Variants in CRHR2 observed in about 807,000 individuals in gnomAD.
The protein encoded by CRHR2 is corticotropin releasing hormone receptor 2.
In CRHR2, 53 loss-of-function variants were observed where a neutral mutation model predicts 57.9. The ratio of observed to expected loss-of-function variants is 0.92; its 90% CI spans 0.73 to 1.15. CRHR2 has a LOEUF of 1.15. Among genes scored for constraint, CRHR2 ranks in the 50% most tolerant of loss-of-function variants. The pLI, the probability that CRHR2 is intolerant of heterozygous loss-of-function variation, is 0.00. For missense variants in CRHR2, 532 were observed against 542.6 expected (o/e 0.98, Z 0.19); for synonymous variants, 213 against 220.9 (o/e 0.96, Z 0.32).
At chr7:30,683,054 C>T (rs541596762), upstream of CRHR2, among the ~76,000 whole-genome samples, 8 of 152,142 alleles carry the variant, frequency 5.3e-5, no homozygotes, top group South Asian at 4.1e-4. Context: ...AGAGAGATTT[C>T]GGAGGGGCAG....
chr7:30,673,783 A>G (rs1031373451), intron 2 of CRHR2, among the ~76,000 whole-genome samples: 2 of 152,170 alleles, frequency 1.3e-5, no homozygotes, highest in African/African-American at 4.8e-5. Context: ...TTTGAGGCCC[A>G]CCTGGCATAT....
chr7:30,693,085 T>G (rs150943388), intron 1 of CRHR2, among the ~76,000 whole-genome samples: 280 of 152,260 alleles, frequency 1.8e-3, no homozygotes, highest in African/African-American at 6.4e-3. Flanking sequence ...GGCAGACACC[T>G]GGGTCACGGG....
upstream of CRHR2, among the ~76,000 whole-genome samples, chr7:30,687,049 T>A (rs1784869673): frequency 6.6e-6 from 1 of 152,204 alleles, no homozygotes; most frequent in Admixed American, 6.5e-5. Context: ...AACATTCCCT[T>A]GACTATTGCA....
chr7:30,693,617 CA>C (rs1432959840), intron 1 of CRHR2, among the ~76,000 whole-genome samples: 1 of 152,192 alleles, frequency 6.6e-6, no homozygotes, highest in African/African-American at 2.4e-5. Context: ...CTATTGAACC[CA>C]AAGAGAGGGT....
At chr7:30,696,361 G>A (rs1444807538) in intron 1 of CRHR2, among the ~76,000 whole-genome samples, 1 of 152,138 alleles carries the variant, frequency 6.6e-6, no homozygotes, top group East Asian at 1.9e-4. Context: ...CACATTGCAT[G>A]CCTGTATCAA....
At chr7:30,663,854 G>T (rs553521366) in intron 5 of CRHR2, among the ~76,000 whole-genome samples, 1 of 152,232 alleles carries the variant, frequency 6.6e-6, no homozygotes, top group Non-Finnish European at 1.5e-5. Flanking sequence ...GGAGCTGTGC[G>T]TCAGGGGCTC....
chr7:30,659,509 C>CA (rs1483247159), intron 8 of CRHR2, among the ~76,000 whole-genome samples: 6 of 152,164 alleles, frequency 3.9e-5, no homozygotes, highest in Non-Finnish European at 7.3e-5. Context: ...GTGAGTGACT[C>CA]ACTGCAGCTG....
At chr7:30,686,629 T>TA (rs1393586358), upstream of CRHR2, 1 of 959,196 alleles carries the variant, frequency 1.0e-6, no homozygotes, top group Admixed American at 2.1e-5. Flanking sequence ...CAAAAAATAA[T>TA]AAAAAATAAA....
chr7:30,694,694 C>T (rs544457272), intron 1 of CRHR2, among the ~76,000 whole-genome samples: 2 of 152,118 alleles, frequency 1.3e-5, no homozygotes, highest in Admixed American at 6.5e-5. Flanking sequence ...CCCATGTTTG[C>T]TTTCATTCAG....
intron 1 of CRHR2, among the ~76,000 whole-genome samples, chr7:30,697,728 C>T (rs79613404): frequency 0.018 from 2,736 of 152,316 alleles, 75 homozygotes; most frequent in African/African-American, 0.062. Flanking sequence ...CAGTCTCCCA[C>T]ATAATGTCTT....
At chr7:30,683,136 A>G (rs1460733235), upstream of CRHR2, among the ~76,000 whole-genome samples, 1 of 152,208 alleles carries the variant, frequency 6.6e-6, no homozygotes, top group Non-Finnish European at 1.5e-5. Context: ...GGATAACATC[A>G]GGTCTCCTGC....
chr7:30,656,267 G>A lies in CRHR2; in HGVS notation c.832-255C>T, dbSNP rs568720145. 1.3e-5 allele frequency among the ~76,000 whole-genome samples: 2 copies of A among 152,126 alleles called. No individual in the cohort carries two copies. The highest frequency in any genetic ancestry group is 2.9e-5 in the Non-Finnish European group (2 of 68,012). ...AGGAGGAAAGGTGGCAGCCTCTGTG[G>A]GTCGTGACCGAGAGCACGGGGCATG... On this transcript the variant is annotated intron_variant, in intron 8 of 11. Transcript: ENST00000471646. The surrounding 1 kb of genome is among the most constrained non-coding windows in gnomAD (Gnocchi z 4.4).
chr7:30,671,625 C>A lies in CRHR2; in HGVS notation c.230-4312G>T, dbSNP rs550487273. Among the ~76,000 whole-genome samples the A allele has an allele frequency of 2.6e-5, 3 of 114,894 alleles. No homozygotes were observed. In the East Asian group the frequency reaches 6.9e-4, roughly 26 times the overall value. 75.4% of individuals were successfully genotyped at this position (114,894 alleles called of 152,430 possible). On this transcript the variant is annotated intron_variant, in intron 2 of 11. Coordinates refer to ENST00000471646, the MANE Select transcript of CRHR2 (RefSeq NM_001883.5). ...AACTAGCCTGAGCAACATGATGAAA[C>A]CCCATCTCTCAAAAAAAAAAAAAAA...
At position 30,665,245 on chromosome 7, in the gene CRHR2, C is replaced by A; in HGVS notation, c.426-58G>T. 1 of 1,429,594 alleles carries A rather than the reference C, an allele frequency of 7.0e-7. No homozygotes were observed. Among genetic ancestry groups the A allele is most frequent in the South Asian group, 1.2e-5 (1 of 86,244 alleles). 88.6% of individuals were successfully genotyped at this position (1,429,594 alleles called of 1,614,324 possible). ...TTCAGGGGTCAACTGGGACTGGGTT[C>A]CCCCTGAGGCCAGGTAGAGACTCAG... On this transcript the variant is annotated intron_variant, in intron 4 of 11. Transcript: ENST00000471646. The surrounding 1 kb of genome is among the most constrained non-coding windows in gnomAD (Gnocchi z 4.5).
chr7:30,665,526 T>C lies in CRHR2; in HGVS notation c.425+4A>G. The C allele has an allele frequency of 1.3e-6, 2 of 1,554,908 alleles. No homozygotes were observed. Among genetic ancestry groups the C allele is most frequent in the Non-Finnish European group, 1.7e-6 (2 of 1,148,414 alleles). On this transcript the variant is annotated splice_donor_region_variant and intron_variant, in intron 4 of 11. Transcript: ENST00000471646. The surrounding 1 kb of genome is among the most constrained non-coding windows in gnomAD (Gnocchi z 4.5). ...GAGAAAGCAAGGCGGAAGGGCAGAC[T>C]CACCGCAGGGCCAGGAAAAGCAGGA...
intron 2 of CRHR2, chr7:30,689,073 C>T (rs1009993779): frequency 2.2e-6 from 2 of 893,380 alleles, no homozygotes; most frequent in Non-Finnish European, 3.6e-6. Flanking sequence ...GGACTGGAAA[C>T]CAGCACCCCA....
chr7:30,654,623 G>GGGA, intron 11 of CRHR2: 1 of 1,477,938 alleles, frequency 6.8e-7, no homozygotes, highest in Non-Finnish European at 9.1e-7. Context: ...GCCTGCTCTT[G>GGGA]GTGTGTGGGC....
At chr7:30,698,676 C>T (rs1785107779) in intron 1 of CRHR2, among the ~76,000 whole-genome samples, 1 of 152,216 alleles carries the variant, frequency 6.6e-6, no homozygotes, top group Non-Finnish European at 1.5e-5. Context: ...CACCTCTCTC[C>T]TCCACCTGGC....
At chr7:30,667,391 G>C in intron 2 of CRHR2, 78 bp from the exon 3 acceptor site, 1 of 1,255,256 alleles carries the variant, frequency 8.0e-7, no homozygotes, top group Non-Finnish European at 1.2e-6. Flanking sequence ...GTGCCCACAG[G>C]ATAAGGTGTA....
Sources: gnomAD v4.1 joint callset for allele counts (sites outside exome capture counted in the v4.1 genomes callset) on GRCh38, gnomAD v4.1.1 for gene constraint, Gnocchi (gnomAD v3.1) non-coding constraint, MANE v1.5 for transcripts, NCBI Gene and HGNC (gene_info 2026-07-23, HGNC 2026-07-21) for gene names.